ALDH1A1: variants seen among roughly 807,000 people sequenced by gnomAD.
The protein encoded by ALDH1A1 is aldehyde dehydrogenase 1 family member A1.
ALDH1A1 carries 19 observed loss-of-function variants against 62.1 expected under a neutral mutation model. The observed-to-expected ratio is 0.31, with a 90% CI of 0.21 to 0.45. The LOEUF is 0.45. ALDH1A1 is among the 20% of genes least tolerant of loss of function. ALDH1A1 has a pLI of 1.00. For missense variants in ALDH1A1, 521 were observed against 607.1 expected (o/e 0.86, Z 1.49); for synonymous variants, 231 against 215.9 (o/e 1.07, Z -0.61).
intron 12 of ALDH1A1, 32 bp from the exon 13 acceptor site, chr9:72,901,312 C>T (rs965563862): frequency 6.9e-7 from 1 of 1,444,192 alleles, no homozygotes; most frequent in East Asian, 2.3e-5. Flanking sequence ...CCACAAACAC[C>T]ATTTAGCACA....
rs375265723 is a variant in ALDH1A1 at position 72,914,836 on chromosome 9, C to T, written c.1035+2084G>A. On this transcript the variant is annotated intron_variant, in intron 9 of 12. Coordinates refer to ENST00000297785, the MANE Select transcript of ALDH1A1 (RefSeq NM_000689.5). ...TTCCCCTAAAACAAATCGTTTTGAC[C>T]ATTATTTTTTCTATAACCTTTTTGA... is the stretch of plus-strand genomic sequence containing the variant. 2.0e-5 allele frequency among the ~76,000 whole-genome samples: 3 copies of T among 151,646 alleles called. No individual in the cohort carries two copies. The East Asian group carries it at 5.8e-4, about 29-fold the overall frequency.
At chr9:72,921,447 A>G (rs1830141270) in intron 7 of ALDH1A1, among the ~76,000 whole-genome samples, 1 of 149,384 alleles carries the variant, frequency 6.7e-6, no homozygotes, top group Non-Finnish European at 1.5e-5. Flanking sequence ...AAGTTTCAGG[A>G]GTTGAAAGTA....
intron 11 of ALDH1A1, among the ~76,000 whole-genome samples, chr9:72,907,102 G>T (rs575124558): frequency 6.6e-6 from 1 of 152,262 alleles, no homozygotes; most frequent in East Asian, 1.9e-4. Context: ...TGTTTTCTTT[G>T]TTAAAACACT....
chr9:72,914,735 G>GTATATATA (rs35871415), intron 9 of ALDH1A1, among the ~76,000 whole-genome samples: 1 of 150,686 alleles, frequency 6.6e-6, no homozygotes, highest in Non-Finnish European at 1.5e-5. Context: ...AATATGCAAA[G>GTATATATA]TATATATATA....
At chr9:72,924,799 A>C (rs1830184028) in intron 6 of ALDH1A1, among the ~76,000 whole-genome samples, 1 of 152,348 alleles carries the variant, frequency 6.6e-6, no homozygotes, top group Middle Eastern at 3.4e-3. Flanking sequence ...TTAAAAGATA[A>C]GTTCAGTTTT....
chr9:72,949,586 T>C (rs1453432352), intron 1 of ALDH1A1, among the ~76,000 whole-genome samples: 1 of 151,710 alleles, frequency 6.6e-6, no homozygotes, highest in Non-Finnish European at 1.5e-5. Flanking sequence ...ATAAAATCAT[T>C]GTCAAGAACT....
chr9:72,940,313 T>A, intron 1 of ALDH1A1, 61 bp from the exon 2 acceptor site: 1 of 1,217,956 alleles, frequency 8.2e-7, no homozygotes, highest in Non-Finnish European at 1.2e-6. Flanking sequence ...TTTTGGAAGT[T>A]TTCATAAACT....
At chr9:72,902,165 T>A (rs1202900683) in intron 12 of ALDH1A1, among the ~76,000 whole-genome samples, 1 of 152,016 alleles carries the variant, frequency 6.6e-6, no homozygotes, top group Non-Finnish European at 1.5e-5. Context: ...GGGATCTTGT[T>A]ATCAGGTTTA....
At chr9:72,919,102 T>G (rs1367613804) in intron 7 of ALDH1A1, among the ~76,000 whole-genome samples, 2 of 152,142 alleles carry the variant, frequency 1.3e-5, no homozygotes, top group Non-Finnish European at 2.9e-5. Flanking sequence ...TAAAGCTCCC[T>G]CATCCAAGCA....
At chr9:72,909,172 T>G (rs2118490075) in intron 11 of ALDH1A1, among the ~76,000 whole-genome samples, 1 of 148,058 alleles carries the variant, frequency 6.8e-6, no homozygotes, top group African/African-American at 2.5e-5. Flanking sequence ...TTTTTTTTTT[T>G]TTTTTTGAGA....
At chr9:72,923,458 G>C (rs1830166424) in intron 7 of ALDH1A1, among the ~76,000 whole-genome samples, 1 of 152,014 alleles carries the variant, frequency 6.6e-6, no homozygotes, top group Non-Finnish European at 1.5e-5. Context: ...TCACCTTCTA[G>C]TCTGCTCTCC....
chr9:72,943,200 A>G (rs1464094289), intron 1 of ALDH1A1, among the ~76,000 whole-genome samples: 1 of 152,106 alleles, frequency 6.6e-6, no homozygotes, highest in Non-Finnish European at 1.5e-5. Context: ...AATAAAATAA[A>G]ACAACATACA....
chr9:72,907,732 G>T (rs972980346), intron 11 of ALDH1A1, among the ~76,000 whole-genome samples: 8 of 152,200 alleles, frequency 5.3e-5, no homozygotes, highest in African/African-American at 1.9e-4. Context: ...TTGTTTCAAG[G>T]TATGCGTAAG....
intron 1 of ALDH1A1, among the ~76,000 whole-genome samples, 172 bp from the exon 2 acceptor site, chr9:72,940,424 T>C (rs942108592): frequency 5.3e-4 from 80 of 152,236 alleles, no homozygotes; most frequent in African/African-American, 1.9e-3. Context: ...CATAGACATG[T>C]ACTAAAATGA....
intron 4 of ALDH1A1, among the ~76,000 whole-genome samples, chr9:72,928,459 C>G (rs956993720): frequency 2.6e-5 from 4 of 152,070 alleles, no homozygotes; most frequent in African/African-American, 9.7e-5. Context: ...TGACCAGGCA[C>G]AGATGACCAT....
intron 12 of ALDH1A1, among the ~76,000 whole-genome samples, chr9:72,904,872 C>T (rs562794056): frequency 5.7e-4 from 87 of 152,226 alleles, no homozygotes; most frequent in African/African-American, 1.3e-3. Context: ...CATGTCCTGC[C>T]ACCACAGCTA....
intron 4 of ALDH1A1, 22 bp from the exon 5 acceptor site, chr9:72,927,199 A>G (rs762570296): frequency 1.3e-6 from 2 of 1,528,798 alleles, no homozygotes; most frequent in Non-Finnish European, 1.8e-6. Context: ...AACACACACA[A>G]TCATATATAA....
At chr9:72,939,240 T>C (rs1230672673) in intron 2 of ALDH1A1, among the ~76,000 whole-genome samples, 2 of 152,162 alleles carry the variant, frequency 1.3e-5, no homozygotes, top group Non-Finnish European at 2.9e-5. Flanking sequence ...ACCTGCCCTA[T>C]AGGGTTGCTT....
chr9:72,908,898 A>G (rs1332922643), intron 11 of ALDH1A1, among the ~76,000 whole-genome samples: 1 of 152,198 alleles, frequency 6.6e-6, no homozygotes. Context: ...CAATCTTTCA[A>G]AAATAACTTC....
Sources: allele counts gnomAD v4.1 joint callset (sites outside exome capture counted in the v4.1 genomes callset), GRCh38; gene constraint gnomAD v4.1.1; transcripts MANE v1.5; gene names NCBI Gene and HGNC (gene_info 2026-07-23, HGNC 2026-07-21).